Variants in DNAH17 observed in about 807,000 individuals in gnomAD.
DNAH17 encodes axonemal beta dynein heavy chain 17.
DNAH17 carries 376 observed loss-of-function variants against 485.6 expected under a neutral mutation model. The observed-to-expected ratio is 0.77, with a 90% CI of 0.71 to 0.84. The LOEUF (loss-of-function observed/expected upper bound fraction) is 0.84, where lower values mean the gene tolerates loss of function less well. Among genes scored for constraint, DNAH17 ranks in the 40% least tolerant of loss-of-function variants. DNAH17 has a pLI of 0.00. For missense variants in DNAH17, 6,370 were observed against 5,839.3 expected, an observed-to-expected ratio of 1.09 and a Z score of -2.96; for synonymous variants, 3,031 against 2,405.9, an observed-to-expected ratio of 1.26 and a Z score of -7.60.
intron 25 of DNAH17, among the ~76,000 whole-genome samples, chr17:78,515,724 A>C (rs1288458793): frequency 6.6e-6 from 1 of 152,202 alleles, no homozygotes; most frequent in African/African-American, 2.4e-5. Flanking sequence ...GGCATCGCCG[A>C]AATACAGCCT....
intron 76 of DNAH17, among the ~76,000 whole-genome samples, 157 bp from the exon 77 acceptor site, chr17:78,428,864 GCTCC>G (rs1248524698): frequency 7.0e-6 from 1 of 142,888 alleles, no homozygotes; most frequent in Non-Finnish European, 1.5e-5. Context: ...TGCCCCCTGT[GCTCC>G]CAGCGACATA....
At chr17:78,430,999 G>A (rs1445891234) in intron 75 of DNAH17, among the ~76,000 whole-genome samples, 1 of 151,876 alleles carries the variant, frequency 6.6e-6, no homozygotes, top group African/African-American at 2.4e-5. Context: ...TCCCACTTCA[G>A]CCTCCCAAGT....
At chr17:78,577,126 C>T (rs1008705136) in intron 1 of DNAH17, among the ~76,000 whole-genome samples, 169 bp downstream of exon 1, 5 of 152,010 alleles carry the variant, frequency 3.3e-5, no homozygotes, top group African/African-American at 9.7e-5. Context: ...CAGCCAGCCT[C>T]GGGGTCCCAG....
At chr17:78,563,915 C>T (rs2092213314) in intron 11 of DNAH17, among the ~76,000 whole-genome samples, 1 of 152,094 alleles carries the variant, frequency 6.6e-6, no homozygotes, top group Admixed American at 6.5e-5. Context: ...CCCCTGCCTC[C>T]CTCCCCTCCG....
At chr17:78,519,615 C>T (rs754084080) in intron 25 of DNAH17, among the ~76,000 whole-genome samples, 1 of 152,218 alleles carries the variant, frequency 6.6e-6, no homozygotes, top group Non-Finnish European at 1.5e-5. Context: ...CACTGCTGAG[C>T]TTGCAGCCAT....
intron 26 of DNAH17, 51 bp from the exon 27 acceptor site, chr17:78,510,557 CA>C (rs1269413044): frequency 5.6e-6 from 9 of 1,603,810 alleles, no homozygotes; most frequent in Non-Finnish European, 7.7e-6. Context: ...GTGCACTCTG[CA>C]GTGGGCAGAC....
chr17:78,451,200 G>A (rs533115568), intron 66 of DNAH17, among the ~76,000 whole-genome samples: 21 of 152,370 alleles, frequency 1.4e-4, no homozygotes, highest in East Asian at 7.7e-4. Flanking sequence ...TAGAGCCCCC[G>A]AGGACCGCTG....
intron 55 of DNAH17, among the ~76,000 whole-genome samples, chr17:78,468,294 G>A (rs1032850838): frequency 3.3e-5 from 5 of 152,044 alleles, no homozygotes; most frequent in African/African-American, 4.8e-5. Flanking sequence ...TCAAAAATAC[G>A]ACACTGTTTT....
At chr17:78,526,782 C>T (rs1405361472) in intron 23 of DNAH17, 45 bp from the exon 24 acceptor site, 2 of 1,569,592 alleles carry the variant, frequency 1.3e-6, no homozygotes, top group Non-Finnish European at 1.7e-6. Flanking sequence ...GGGGCGGCCA[C>T]CTGCCCCAAG....
chr17:78,426,535 A>G lies in DNAH17; in HGVS notation c.12837T>C (p.Pro4279=). ...GGTAGGCCCGGGCCACCCACGTATC[A>G]GGCACGGTGTCATAGAAGAGAGCCG... ...LSTALFYDTV[P]DTWVARAYPS... The change falls in exon 79 of 81, where the codon CCT becomes CCC. Residue 4279 remains proline, a synonymous_variant. Coordinates refer to ENST00000389840, the MANE Select transcript of DNAH17 (RefSeq NM_173628.4). 6.2e-7 allele frequency: 1 copy of G among 1,613,678 alleles called. No homozygotes were observed. The highest frequency in any genetic ancestry group is 2.2e-5 in the East Asian group (1 of 44,858).
In DNAH17 at chr17:78,551,647, G is replaced by T; in HGVS notation, c.2288-9C>A. ...AATGTACTGAAACACACCTAAAATG[G>T]AAATGTAGAGGAATCTTACAAAATG... On this transcript the variant is annotated splice_polypyrimidine_tract_variant and intron_variant, in intron 15 of 80. Coordinates refer to ENST00000389840, the MANE Select transcript of DNAH17 (RefSeq NM_173628.4). 6.2e-7 allele frequency: 1 copy of T among 1,613,136 alleles called. No individual in the cohort carries two copies. The highest frequency in any genetic ancestry group is 8.5e-7 in the Non-Finnish European group (1 of 1,179,148).
Position 78,506,738 on chromosome 17 carries a change from A to G in DNAH17, c.4785T>C (p.Asn1595=), listed in dbSNP as rs1173139824. Residue 1595 remains asparagine, a synonymous_variant, in exon 30 of 81, where the codon AAT becomes AAC. Transcript: ENST00000389840. The stretch of plus-strand genomic sequence containing the variant: ...CGCCTACCTCCACGGGGTCATTGCC[A>G]TTGGAGAGAATGTCCAGGAGGTCAG... ...SSADLLDILS[N]GNDPVEVSRH... 2 of 1,613,976 alleles carry G rather than the reference A, an allele frequency of 1.2e-6. No homozygotes were observed. Among genetic ancestry groups the G allele is most frequent in the Non-Finnish European group, 1.7e-6 (2 of 1,179,874 alleles).
chr17:78,520,536 C>A (rs1341506700), intron 25 of DNAH17, among the ~76,000 whole-genome samples: 1 of 151,842 alleles, frequency 6.6e-6, no homozygotes, highest in Non-Finnish European at 1.5e-5. Flanking sequence ...AAGAGAAAAA[C>A]AAACACATAA....
chr17:78,551,335 C>G (rs1269448128), intron 16 of DNAH17, among the ~76,000 whole-genome samples, 200 bp downstream of exon 16: 2 of 152,222 alleles, frequency 1.3e-5, no homozygotes, highest in Admixed American at 1.3e-4. Flanking sequence ...TGGAGCAGAA[C>G]TGAATTTCAC....
At chr17:78,469,108 C>T (rs2088627772) in intron 54 of DNAH17, among the ~76,000 whole-genome samples, 1 of 152,156 alleles carries the variant, frequency 6.6e-6, no homozygotes, top group African/African-American at 2.4e-5. Flanking sequence ...GGATTACAGG[C>T]ACACGCCGCC....
intron 64 of DNAH17, among the ~76,000 whole-genome samples, chr17:78,454,044 C>T (rs772667422): frequency 6.6e-5 from 10 of 152,068 alleles, no homozygotes; most frequent in Non-Finnish European, 1.3e-4. Context: ...GCCACAGAGA[C>T]AAATGTTTTC....
intron 56 of DNAH17, among the ~76,000 whole-genome samples, chr17:78,465,348 C>A: frequency 6.6e-6 from 1 of 151,584 alleles, no homozygotes; most frequent in Admixed American, 6.6e-5. Context: ...TGCCCGGCCG[C>A]CACCCCGTCT....
intron 73 of DNAH17, among the ~76,000 whole-genome samples, chr17:78,438,113 C>A (rs1019343567): frequency 1.2e-4 from 18 of 151,972 alleles, no homozygotes; most frequent in African/African-American, 4.1e-4. Context: ...GAATTGCAAA[C>A]CTCCAGCCTT....
chr17:78,478,479 C>T (rs1350631417), intron 51 of DNAH17, among the ~76,000 whole-genome samples: 1 of 151,192 alleles, frequency 6.6e-6, no homozygotes, highest in Non-Finnish European at 1.5e-5. Context: ...ATCATCACCA[C>T]CATCACTATC....
Sources: allele counts gnomAD v4.1 joint callset (sites outside exome capture counted in the v4.1 genomes callset), GRCh38; gene constraint gnomAD v4.1.1; transcripts MANE v1.5; gene names NCBI Gene and HGNC (gene_info 2026-07-23, HGNC 2026-07-21).